The following PDE7B variants were observed in gnomAD, a reference collection of about 807,000 sequenced individuals.
The protein encoded by PDE7B is phosphodiesterase 7B.
Under a neutral mutation model 56.2 loss-of-function variants are expected in PDE7B, and 29 were observed. The ratio of observed to expected loss-of-function variants is 0.52; its 90% CI spans 0.38 to 0.70. The LOEUF is 0.70. PDE7B is among the 30% of genes least tolerant of loss of function. PDE7B has a pLI of 0.00. For synonymous variants in PDE7B, 197 were observed against 196.9 expected, an observed-to-expected ratio of 1.00 and a Z score of 0.00; for missense variants, 490 against 565.0, an observed-to-expected ratio of 0.87 and a Z score of 1.35.
At position 136,193,239 on chromosome 6, in the gene PDE7B, C is replaced by T. The variant is rs887770140; in HGVS notation, c.*1399C>T. On this transcript the variant is annotated 3_prime_UTR_variant, in exon 13 of 13. Transcript: ENST00000308191. ...CATGCCACACATTTGTCTATTATGG[C>T]TATAGTACCAAAGTACTTTTGGTGT... 6.6e-6 allele frequency: 1 copy of T among 152,640 alleles called. No individual in the cohort carries two copies. The highest frequency in any genetic ancestry group is 2.4e-5 in the African/African-American group (1 of 41,452). 9.5% of individuals were successfully genotyped at this position (152,640 alleles called of 1,614,324 possible).
At position 136,164,030 on chromosome 6, in the gene PDE7B, T is replaced by C. The variant is rs186088681; in HGVS notation, c.711+8272T>C. Among the ~76,000 whole-genome samples, 73 of 152,202 alleles carry C rather than the reference T, an allele frequency of 4.8e-4. 1 individual carries two copies. The highest frequency in any genetic ancestry group is 7.5e-4 in the Non-Finnish European group (51 of 68,046). On this transcript the variant is annotated intron_variant, in intron 8 of 12. Coordinates refer to ENST00000308191, the MANE Select transcript of PDE7B (RefSeq NM_018945.4). The stretch of plus-strand genomic sequence containing the variant: ...CCCAGTTCCAAAGTCACTTCCACAT[T>C]TTCAGGTATCTGTATGGCAGCACCC...
At chr6:135,886,488 CTG>C (rs1775711680) in intron 1 of PDE7B, among the ~76,000 whole-genome samples, 1 of 151,576 alleles carries the variant, frequency 6.6e-6, no homozygotes. Context: ...GCAGCATACA[CTG>C]TACTCAATAT....
At chr6:136,009,755 G>C (rs1368388416) in intron 2 of PDE7B, among the ~76,000 whole-genome samples, 4 of 152,142 alleles carry the variant, frequency 2.6e-5, no homozygotes, top group African/African-American at 7.2e-5. Flanking sequence ...GGGTTTTCTA[G>C]ATATACAATC....
intron 9 of PDE7B, among the ~76,000 whole-genome samples, chr6:136,174,093 C>G (rs562138013): frequency 6.6e-6 from 1 of 152,092 alleles, no homozygotes; most frequent in Non-Finnish European, 1.5e-5. Context: ...TTTGAAAGGG[C>G]CTTGCAGAGT....
At chr6:136,004,359 T>C (rs1242094565) in intron 2 of PDE7B, among the ~76,000 whole-genome samples, 3 of 152,024 alleles carry the variant, frequency 2.0e-5, no homozygotes, top group East Asian at 1.9e-4. Flanking sequence ...CCAGGGCAAT[T>C]AGGCAGGAGA....
chr6:136,155,829 C>T (rs773443040), intron 8 of PDE7B, 71 bp downstream of exon 8: 19 of 1,486,640 alleles, frequency 1.3e-5, no homozygotes, highest in Non-Finnish European at 3.8e-6. Context: ...AAGCCTGAAT[C>T]TTGCCCATGG....
chr6:135,870,164 C>A (rs1183111842), intron 1 of PDE7B, among the ~76,000 whole-genome samples: 1 of 152,106 alleles, frequency 6.6e-6, no homozygotes, highest in Non-Finnish European at 1.5e-5. Flanking sequence ...CCGGAGTAAG[C>A]TGAAACACTA....
intron 1 of PDE7B, among the ~76,000 whole-genome samples, chr6:135,919,620 TC>T (rs2128195160): frequency 6.6e-6 from 1 of 152,342 alleles, no homozygotes; most frequent in African/African-American, 2.4e-5. Flanking sequence ...TACTATATTT[TC>T]TTTTTCCTAG....
intron 2 of PDE7B, among the ~76,000 whole-genome samples, chr6:136,099,522 A>G (rs1199486911): frequency 1.3e-5 from 2 of 152,200 alleles, no homozygotes; most frequent in African/African-American, 4.8e-5. Context: ...TTCTCTGATG[A>G]CCAGTGATGA....
chr6:135,992,553 T>C (rs1479537457), intron 2 of PDE7B, among the ~76,000 whole-genome samples: 1 of 152,222 alleles, frequency 6.6e-6, no homozygotes, highest in Non-Finnish European at 1.5e-5. Context: ...ATAACACCTG[T>C]GATGATACTT....
intron 2 of PDE7B, among the ~76,000 whole-genome samples, chr6:136,011,990 G>A (rs533672238): frequency 1.3e-5 from 2 of 152,242 alleles, no homozygotes; most frequent in East Asian, 1.9e-4. Flanking sequence ...GTAGAAGATC[G>A]ATTCTAAGTC....
chr6:135,940,199 G>T (rs1583784987), intron 1 of PDE7B, among the ~76,000 whole-genome samples: 2 of 152,176 alleles, frequency 1.3e-5, no homozygotes, highest in South Asian at 2.1e-4. Context: ...TGCCCAGACA[G>T]CTACCTATGC....
intron 1 of PDE7B, among the ~76,000 whole-genome samples, chr6:135,891,567 G>A (rs1047459942): frequency 2.6e-5 from 4 of 152,236 alleles, no homozygotes; most frequent in African/African-American, 4.8e-5. Flanking sequence ...CCTTCTAAAC[G>A]CGGAGCTCCT....
At chr6:136,068,861 A>G (rs755519228) in intron 2 of PDE7B, among the ~76,000 whole-genome samples, 54 of 152,216 alleles carry the variant, frequency 3.5e-4, no homozygotes, top group Non-Finnish European at 6.9e-4. Flanking sequence ...ATCAGAAAAA[A>G]TACATAGAAT....
chr6:136,147,365 G>T lies in PDE7B; in HGVS notation c.181G>T (p.Gly61Trp), dbSNP rs768406151. The T allele has an allele frequency of 1.2e-6, 2 of 1,612,278 alleles. No homozygotes were observed. The highest frequency in any genetic ancestry group is 1.7e-6 in the Non-Finnish European group (2 of 1,178,566). Residue 61 changes from glycine (G) to tryptophan (W), a missense_variant, in exon 4 of 13, where the codon GGG becomes TGG. Coordinates refer to ENST00000308191, the MANE Select transcript of PDE7B (RefSeq NM_018945.4). ...FRLLNSTTYSGEIGTKKKVKR... is the reference protein window; with the variant it reads ...FRLLNSTTYSWEIGTKKKVKR... ...ACTTTCCACAGGTACAACATACTCA[G>T]GGGAGATTGGCACCAAGAAAAAGGT...
chr6:136,149,243 C>A, intron 5 of PDE7B, 93 bp downstream of exon 5: 1 of 822,122 alleles, frequency 1.2e-6, no homozygotes, highest in Non-Finnish European at 2.1e-6. Flanking sequence ...CACTGCTATT[C>A]CTTTTTCCTT....
intron 1 of PDE7B, among the ~76,000 whole-genome samples, chr6:135,862,845 C>T (rs1775176706): frequency 6.6e-6 from 1 of 151,676 alleles, no homozygotes; most frequent in African/African-American, 2.4e-5. Flanking sequence ...CAGCTGTCTC[C>T]CCTAGGTTTT....
intron 2 of PDE7B, among the ~76,000 whole-genome samples, chr6:136,101,492 G>A (rs1200127280): frequency 2.0e-5 from 3 of 152,050 alleles, no homozygotes; most frequent in African/African-American, 7.2e-5. Context: ...TTTAGTCTTG[G>A]GAGGGTGTAT....
Position 136,187,056 on chromosome 6 carries a change from G to C in PDE7B, c.1066G>C (p.Glu356Gln). The C allele has an allele frequency of 1.3e-6, 2 of 1,580,468 alleles. No homozygotes were observed. The highest frequency in any genetic ancestry group is 8.7e-7 in the Non-Finnish European group (1 of 1,151,664). The change falls in exon 12 of 13, where the codon GAA (glutamate) becomes CAA (glutamine). Residue 356 changes from glutamate (E) to glutamine (Q), a missense_variant. Physicochemically the swap from Glu to Gln is conservative, Grantham distance 29. Transcript: ENST00000308191. ...CTTAGGTGAACTTGAACAGAAATTT[G>C]AACTGGAAATCAGTCCTCTTTGTAA... ...YRQGELEQKF[E>Q]LEISPLCNQQ...
Sources: gnomAD v4.1 joint callset for allele counts (sites outside exome capture counted in the v4.1 genomes callset) on GRCh38, gnomAD v4.1.1 for gene constraint, MANE v1.5 for transcripts, NCBI Gene and HGNC (gene_info 2026-07-23, HGNC 2026-07-21) for gene names.